FPR3: variants seen among roughly 807,000 people sequenced by gnomAD.
FPR3 encodes the protein formyl peptide receptor 3.
For missense variants in FPR3, 346 were observed against 443.2 expected, an observed-to-expected ratio of 0.78 and a Z score of 1.97; for synonymous variants, 135 against 163.6, an observed-to-expected ratio of 0.83 and a Z score of 1.34.
Position 51,813,864 on chromosome 19 carries a change from G to C in FPR3, c.-10-9875G>C, listed in dbSNP as rs149648399. Reference sequence around the variant, plus strand: ...TTTCCTCCTTTATAAAATGAGACAGGCATGTGAATGAAGCCAGTTTTTTTG... The same window carrying C: ...TTTCCTCCTTTATAAAATGAGACAGCCATGTGAATGAAGCCAGTTTTTTTG... On this transcript the variant is annotated intron_variant, in intron 1 of 1. Coordinates refer to ENST00000339223, the MANE Select transcript of FPR3 (RefSeq NM_002030.5). Among the ~76,000 whole-genome samples, 671 of 152,230 alleles carry C rather than the reference G, an allele frequency of 4.4e-3. 2 individuals carry two copies. Among genetic ancestry groups the C allele is most frequent in the South Asian group, 9.1e-3 (44 of 4,820 alleles).
intron 1 of FPR3, among the ~76,000 whole-genome samples, chr19:51,810,720 G>A (rs976388929): frequency 4.6e-5 from 7 of 152,264 alleles, no homozygotes; most frequent in Admixed American, 1.3e-4. Context: ...GGTAAAAAAC[G>A]CATAGCACCA....
chr19:51,795,837 A>G (rs1055194354), intron 1 of FPR3, among the ~76,000 whole-genome samples: 2 of 152,182 alleles, frequency 1.3e-5, no homozygotes, highest in East Asian at 3.9e-4. Flanking sequence ...TATGTAATTA[A>G]ATAAAATTTA....
intron 1 of FPR3, among the ~76,000 whole-genome samples, chr19:51,796,472 A>T (rs575698127): frequency 1.3e-5 from 2 of 152,198 alleles, no homozygotes; most frequent in Non-Finnish European, 2.9e-5. Context: ...TTTAAAGCTC[A>T]TTTGGTTTCT....
At chr19:51,811,969 C>T (rs2084100231) in intron 1 of FPR3, among the ~76,000 whole-genome samples, 1 of 152,154 alleles carries the variant, frequency 6.6e-6, no homozygotes, top group Non-Finnish European at 1.5e-5. Flanking sequence ...TCACTTTGCC[C>T]ATATTGTCTT....
intron 1 of FPR3, among the ~76,000 whole-genome samples, chr19:51,800,928 A>G (rs1291103519): frequency 3.9e-5 from 6 of 152,210 alleles, no homozygotes; most frequent in Middle Eastern, 3.2e-3. Context: ...TAGAAAAAAA[A>G]GAGAGGAGAG....
At chr19:51,820,561 C>A (rs1203228411) in intron 1 of FPR3, among the ~76,000 whole-genome samples, 1 of 152,180 alleles carries the variant, frequency 6.6e-6, no homozygotes, top group African/African-American at 2.4e-5. Context: ...CCTGTCACTG[C>A]ACATTGTTGG....
chr19:51,824,799 C>T lies in FPR3; in HGVS notation c.1051C>T (p.Gln351Ter), dbSNP rs2084219984. Reference protein sequence around the residue: ...SASPPEETELQAM With the variant: ...SASPPEETEL ...TTCACCTCCTGAGGAGACGGAGTTA[C>T]AAGCAATGTGAGGTCGGGGATATTT... is the stretch of plus-strand genomic sequence containing the variant. The change falls in exon 2 of 2, where the codon CAA (glutamine) becomes TAA (stop). Residue 351 changes from glutamine (Q) to a stop codon, truncating the protein, a stop_gained. Transcript: ENST00000339223. LOFTEE classifies it high-confidence loss of function. This position sits in a 1 kb window ranked among gnomAD's most constrained non-coding sequence, Gnocchi z 4.7. 3.1e-6 allele frequency: 5 copies of T among 1,609,498 alleles called. No homozygotes were observed. In the African/African-American group the frequency reaches 5.3e-5, roughly 17 times the overall value.
intron 1 of FPR3, among the ~76,000 whole-genome samples, chr19:51,795,623 C>A (rs2083993799): frequency 6.9e-6 from 1 of 145,926 alleles, no homozygotes; most frequent in Non-Finnish European, 1.5e-5. Context: ...AAGCGATTCT[C>A]CTGCCTCAGC....
chr19:51,795,530 T>TTTTTTTTTTTTTTG, intron 1 of FPR3, among the ~76,000 whole-genome samples, 199 bp downstream of exon 1: 1 of 133,966 alleles, frequency 7.5e-6, no homozygotes, highest in Non-Finnish European at 1.6e-5. Flanking sequence ...TTTTTTTTTT[T>TTTTTTTTTTTTTTG]TTTGATGGAG....
intron 1 of FPR3, among the ~76,000 whole-genome samples, chr19:51,797,900 T>TTTTTTTTTTTG (rs1323781827): frequency 1.4e-5 from 2 of 146,104 alleles, no homozygotes; most frequent in African/African-American, 5.2e-5. Context: ...TTTTTTTTTT[T>TTTTTTTTTTTG]GAGACGGAGT....
chr19:51,824,218 C>T lies in FPR3; in HGVS notation c.470C>T (p.Thr157Ile), dbSNP rs1201336657. The change falls in exon 2 of 2, where the codon ACC (threonine) becomes ATC (isoleucine). Residue 157 changes from threonine (T) to isoleucine (I), a missense_variant. Physicochemically the swap from Thr to Ile is moderately conservative, Grantham distance 89. Transcript: ENST00000339223. This position sits in a 1 kb window ranked among gnomAD's most constrained non-coding sequence, Gnocchi z 4.7. ...CTCTGGATTTTCACCATAGTCCTTA[C>T]CTTACCAAATTTCATCTTCTGGACT... is the stretch of plus-strand genomic sequence containing the variant. ...TGLWIFTIVL[T>I]LPNFIFWTTI... 3.7e-6 allele frequency: 6 copies of T among 1,614,040 alleles called. No homozygotes were observed. The African/African-American group carries it at 4.0e-5, about 11-fold the overall frequency.
chr19:51,825,234 A>G lies in FPR3; in HGVS notation c.*424A>G. 5.4e-6 allele frequency: 1 copy of G among 184,500 alleles called. No individual in the cohort carries two copies. The highest frequency in any genetic ancestry group is 5.8e-5 in the Admixed American group (1 of 17,342). The allele number at this position is 184,500 out of a possible 1,614,324, so 11.4% of individuals were successfully genotyped here. On this transcript the variant is annotated 3_prime_UTR_variant, in exon 2 of 2. Transcript: ENST00000339223. The stretch of plus-strand genomic sequence containing the variant: ...CTGGTTTATTATAAAAGCAAGGTTT[A>G]TTATAAAAGATACTACAAAGGATAC...
intron 1 of FPR3, among the ~76,000 whole-genome samples, chr19:51,816,742 A>T (rs2084140012): frequency 6.6e-6 from 1 of 152,172 alleles, no homozygotes; most frequent in Non-Finnish European, 1.5e-5. Flanking sequence ...TGTGGGAGTG[A>T]GACCTTTAAC....
rs77213651 is a variant in FPR3, at chr19:51,819,385, C to G, written c.-10-4354C>G. Among the ~76,000 whole-genome samples the G allele has an allele frequency of 7.9e-3, 1,208 of 152,000 alleles. 28 individuals are homozygous for G. Among genetic ancestry groups the G allele is most frequent in the Non-Finnish European group, 7.1e-3 (484 of 67,992 alleles). ...ATATCACCTATAGAATGTGGGACAC[C>G]CTAAATTTAGAGACATTTAGAGCAG... On this transcript the variant is annotated intron_variant, in intron 1 of 1. Transcript: ENST00000339223.
At position 51,824,127 on chromosome 19, in the gene FPR3, G is replaced by A; in HGVS notation, c.379G>A (p.Val127Ile). Reference sequence around the variant, plus strand: ...CATTGCTCTGGACCGCTGTATTTGTGTCCTGCATCCAGCCTGGGCCCAGAA... The same window carrying A: ...CATTGCTCTGGACCGCTGTATTTGTATCCTGCATCCAGCCTGGGCCCAGAA... ...TIIALDRCICVLHPAWAQNHR... is the reference protein window; with the variant it reads ...TIIALDRCICILHPAWAQNHR... Residue 127 changes from valine to isoleucine, a missense_variant, in exon 2 of 2, where the codon GTC becomes ATC. By Grantham distance (29) the Val-to-Ile change is conservative. Coordinates refer to ENST00000339223, the MANE Select transcript of FPR3 (RefSeq NM_002030.5). The surrounding 1 kb of genome is among the most constrained non-coding windows in gnomAD (Gnocchi z 4.7). 3 of 1,613,922 alleles carry A rather than the reference G, an allele frequency of 1.9e-6. No individual in the cohort carries two copies. Among genetic ancestry groups the A allele is most frequent in the Non-Finnish European group, 2.5e-6 (3 of 1,179,904 alleles).
chr19:51,816,620 C>A (rs998716415), intron 1 of FPR3, among the ~76,000 whole-genome samples: 3 of 152,176 alleles, frequency 2.0e-5, no homozygotes, highest in African/African-American at 7.2e-5. Flanking sequence ...GCCATTCTAG[C>A]AAATTACAAA....
chr19:51,807,822 G>A (rs549556751), intron 1 of FPR3, among the ~76,000 whole-genome samples: 78 of 152,332 alleles, frequency 5.1e-4, no homozygotes, highest in East Asian at 7.7e-4. Flanking sequence ...AGAGTCTAAA[G>A]GAACAATAAT....
At chr19:51,799,118 G>A (rs73058880) in intron 1 of FPR3, among the ~76,000 whole-genome samples, 7,731 of 152,064 alleles carry the variant, frequency 0.051, 246 homozygotes, top group Middle Eastern at 0.071. Flanking sequence ...TCGGACATTT[G>A]CCCCTGAACT....
chr19:51,795,953 T>C (rs999846260), intron 1 of FPR3, among the ~76,000 whole-genome samples: 9 of 152,244 alleles, frequency 5.9e-5, no homozygotes, highest in Non-Finnish European at 1.3e-4. Flanking sequence ...ATATTTCTAC[T>C]GGACATGTAG....
Sources: gnomAD v4.1 joint callset for allele counts (sites outside exome capture counted in the v4.1 genomes callset) on GRCh38, gnomAD v4.1.1 for gene constraint, Gnocchi (gnomAD v3.1) non-coding constraint, MANE v1.5 for transcripts, NCBI Gene and HGNC (gene_info 2026-07-23, HGNC 2026-07-21) for gene names.